The following DPP10 variants were observed in gnomAD, a reference collection of about 807,000 sequenced individuals.
DPP10 encodes the protein inactive dipeptidyl peptidase 10.
In DPP10, 33 loss-of-function variants were observed where a neutral mutation model predicts 120.9. That is an observed-to-expected ratio of 0.27 (90% CI 0.21 to 0.37). The LOEUF (loss-of-function observed/expected upper bound fraction) is 0.37. Among genes scored for constraint, DPP10 ranks in the 10% least tolerant of loss-of-function variants. The probability of loss-of-function intolerance (pLI) is 1.00; values close to 1 mark genes in which losing one functional copy is unlikely to be tolerated. For missense variants in DPP10, 816 were observed against 942.8 expected (o/e 0.87, Z 1.76); for synonymous variants, 337 against 326.1 (o/e 1.03, Z -0.36).
chr2:115,745,180 T>C (rs1337176213), intron 9 of DPP10, among the ~76,000 whole-genome samples: 1 of 150,566 alleles, frequency 6.6e-6, no homozygotes, highest in African/African-American at 2.4e-5. Flanking sequence ...ATTCGCATTG[T>C]AGTTAAGAAC....
At chr2:114,585,582 C>G (rs1331955413) in intron 1 of DPP10, among the ~76,000 whole-genome samples, 2 of 152,118 alleles carry the variant, frequency 1.3e-5, no homozygotes, top group Non-Finnish European at 2.9e-5. Flanking sequence ...TTGAATTCTG[C>G]CTATCACTGA....
At chr2:115,391,175 G>A (rs1460070603) in intron 3 of DPP10, among the ~76,000 whole-genome samples, 5 of 152,166 alleles carry the variant, frequency 3.3e-5, no homozygotes, top group Non-Finnish European at 5.9e-5. Flanking sequence ...TTTTTGGATA[G>A]TATGCACTAC....
At chr2:115,554,596 C>T (rs1342238063) in intron 5 of DPP10, among the ~76,000 whole-genome samples, 2 of 152,052 alleles carry the variant, frequency 1.3e-5, no homozygotes, top group African/African-American at 4.8e-5. Flanking sequence ...AGGAGATTTA[C>T]ATAATCTCAT....
chr2:114,852,623 C>T lies in DPP10; in HGVS notation c.60+409785C>T, dbSNP rs576343503. ...GGGCATCTGTGGATTTCAGTTTCCG[C>T]GGCGGGGGCGGGGGTCTGAAACCAA... is the stretch of plus-strand genomic sequence containing the variant. On this transcript the variant is annotated intron_variant, in intron 1 of 25. Coordinates refer to ENST00000410059, the MANE Select transcript of DPP10 (RefSeq NM_020868.6). Among the ~76,000 whole-genome samples the T allele has an allele frequency of 9.2e-5, 14 of 151,984 alleles. No individual in the cohort carries two copies. The South Asian group carries it at 1.7e-3, about 18-fold the overall frequency.
chr2:114,875,134 T>C (rs1691048613), intron 1 of DPP10, among the ~76,000 whole-genome samples: 2 of 152,164 alleles, frequency 1.3e-5, no homozygotes, highest in African/African-American at 4.8e-5. Flanking sequence ...GTACACTCAA[T>C]GACCCTGAAT....
intron 1 of DPP10, among the ~76,000 whole-genome samples, chr2:115,010,556 A>G (rs535417430): frequency 1.3e-5 from 2 of 152,192 alleles, no homozygotes; most frequent in African/African-American, 4.8e-5. Context: ...GTGTATATAT[A>G]TATAATCTGT....
intron 1 of DPP10, among the ~76,000 whole-genome samples, chr2:115,126,335 C>T (rs2050083038): frequency 6.6e-6 from 1 of 152,092 alleles, no homozygotes; most frequent in Non-Finnish European, 1.5e-5. Context: ...CCCCTAGGCT[C>T]AAGCAATCCA....
chr2:115,344,385 T>G (rs147981606), intron 3 of DPP10, among the ~76,000 whole-genome samples: 1 of 152,244 alleles, frequency 6.6e-6, no homozygotes, highest in Non-Finnish European at 1.5e-5. Flanking sequence ...TAGATAATTT[T>G]TCTTAGTTTG....
chr2:114,445,761 C>T (rs556710757), intron 1 of DPP10, among the ~76,000 whole-genome samples: 1 of 152,018 alleles, frequency 6.6e-6, no homozygotes, highest in African/African-American at 2.4e-5. Context: ...TTGCTTTGGT[C>T]GTTCTGGCCA....
chr2:114,849,191 T>C (rs1688762760), intron 1 of DPP10, among the ~76,000 whole-genome samples: 1 of 152,152 alleles, frequency 6.6e-6, no homozygotes, highest in East Asian at 1.9e-4. Flanking sequence ...TTACTCAGAC[T>C]ACCAAGTTTT....
At chr2:115,070,112 C>T (rs950387775) in intron 1 of DPP10, among the ~76,000 whole-genome samples, 1 of 152,022 alleles carries the variant, frequency 6.6e-6, no homozygotes, top group Non-Finnish European at 1.5e-5. Context: ...CACAATGCAA[C>T]CCCTCAGGCT....
intron 1 of DPP10, among the ~76,000 whole-genome samples, chr2:114,613,611 G>A (rs1026121855): frequency 6.6e-6 from 1 of 152,054 alleles, no homozygotes; most frequent in African/African-American, 2.4e-5. Context: ...TCCCTTTACT[G>A]GGTATATACC....
Position 114,770,181 on chromosome 2 carries a change from A to G in DPP10, c.60+327343A>G, listed in dbSNP as rs151006090. On this transcript the variant is annotated intron_variant, in intron 1 of 25. Transcript: ENST00000410059. Reference sequence around the variant, plus strand: ...TTCTTCCCCTAAAGGCAGCAGTTGTATGGGAAGCATTCCTGCCTCTCTGGG... The same window carrying G: ...TTCTTCCCCTAAAGGCAGCAGTTGTGTGGGAAGCATTCCTGCCTCTCTGGG... Among the ~76,000 whole-genome samples, 1,135 of 152,272 alleles carry G rather than the reference A, an allele frequency of 7.5e-3. 24 individuals carry two copies. Among genetic ancestry groups the G allele is most frequent in the African/African-American group, 0.026 (1,061 of 41,542 alleles).
intron 1 of DPP10, among the ~76,000 whole-genome samples, chr2:114,621,135 G>C (rs1021526542): frequency 3.9e-5 from 6 of 151,980 alleles, no homozygotes; most frequent in African/African-American, 1.4e-4. Flanking sequence ...ATGGAAATAG[G>C]ATTGAAAATG....
At chr2:115,258,065 G>A (rs1278496119) in intron 1 of DPP10, among the ~76,000 whole-genome samples, 3 of 152,192 alleles carry the variant, frequency 2.0e-5, no homozygotes, top group East Asian at 3.9e-4. Flanking sequence ...TCATTAAAAC[G>A]TGAAAATATT....
intron 1 of DPP10, among the ~76,000 whole-genome samples, chr2:114,888,218 G>C (rs1053303688): frequency 6.6e-5 from 10 of 151,822 alleles, no homozygotes; most frequent in Non-Finnish European, 1.3e-4. Context: ...ACCAATGCCT[G>C]TGCTCAGCAG....
At chr2:115,236,020 G>A (rs2057986424) in intron 1 of DPP10, among the ~76,000 whole-genome samples, 1 of 152,006 alleles carries the variant, frequency 6.6e-6, no homozygotes, top group South Asian at 2.1e-4. Flanking sequence ...TTTACTTTTG[G>A]CTAAGGAGTG....
At chr2:114,587,322 TACAC>T (rs1031719520) in intron 1 of DPP10, among the ~76,000 whole-genome samples, 3 of 108,536 alleles carry the variant, frequency 2.8e-5, no homozygotes, top group Non-Finnish European at 5.8e-5. Context: ...AAAAAAAAAA[TACAC>T]ACACACGCAT....
In DPP10 at chr2:114,642,564, G is replaced by A. The variant is rs567746720; in HGVS notation, c.60+199726G>A. On this transcript the variant is annotated intron_variant, in intron 1 of 25. Transcript: ENST00000410059. Reference sequence around the variant, plus strand: ...GGTTGCAGTGCAGATGGGTAAGTAAGCTGCTGTATGTGCCCCCAGGCCATA... The same window carrying A: ...GGTTGCAGTGCAGATGGGTAAGTAAACTGCTGTATGTGCCCCCAGGCCATA... Among the ~76,000 whole-genome samples the A allele has an allele frequency of 8.6e-5, 13 of 152,016 alleles. No homozygotes were observed. In the South Asian group the frequency reaches 2.7e-3, roughly 32 times the overall value.
Sources: allele counts gnomAD v4.1 joint callset (sites outside exome capture counted in the v4.1 genomes callset), GRCh38; gene constraint gnomAD v4.1.1; transcripts MANE v1.5; gene names NCBI Gene and HGNC (gene_info 2026-07-23, HGNC 2026-07-21).